Variants in FBP1 observed in about 807,000 individuals in gnomAD.
FBP1 encodes fructose-1,6-bisphosphatase 1.
FBP1 carries 22 observed loss-of-function variants against 29.9 expected under a neutral mutation model. That is an observed-to-expected ratio of 0.74 (90% CI 0.53 to 1.05). FBP1 has a LOEUF of 1.05. Ranked by LOEUF, FBP1 falls within the 50% of genes least tolerant of loss-of-function variation. The pLI is 0.00. For synonymous variants in FBP1, 175 were observed against 178.6 expected (o/e 0.98, Z 0.16); for missense variants, 345 against 448.2 (o/e 0.77, Z 2.08).
chr9:94,618,235 G>A (rs2131486973), intron 2 of FBP1, among the ~76,000 whole-genome samples: 1 of 152,120 alleles, frequency 6.6e-6, no homozygotes, highest in African/African-American at 2.4e-5. Context: ...TAATTCCTTA[G>A]GTGAAGCAGA....
At chr9:94,637,945 G>T (rs1266432063) in intron 1 of FBP1, among the ~76,000 whole-genome samples, 2 of 151,928 alleles carry the variant, frequency 1.3e-5, no homozygotes, top group African/African-American at 4.8e-5. Context: ...AATTAGCTGG[G>T]CATGGTGGCA....
chr9:94,613,019 CTCCATGTCATCACATATTAT>C (rs1342181132), intron 3 of FBP1, among the ~76,000 whole-genome samples: 1 of 152,190 alleles, frequency 6.6e-6, no homozygotes, highest in East Asian at 1.9e-4. Context: ...TAGGCACTGG[CTCCATGTCATCACATATTAT>C]TCCATGTCAT....
In FBP1 at chr9:94,621,409, T is replaced by TATATATATATA. The variant is rs1563984784; in HGVS notation, c.171-919_171-918insTATATATATAT. Among the ~76,000 whole-genome samples the TATATATATATA allele has an allele frequency of 1.7e-4, 25 of 148,150 alleles. 3 individuals carry two copies. The highest frequency in any genetic ancestry group is 6.4e-4 in the African/African-American group (25 of 39,196). ...AGATTCCGTCTAAAAATATATATAT[T>TATATATATATA]TTTAGAAGAAAGGAAGGAGGACATC... On this transcript the variant is annotated intron_variant, in intron 1 of 6. Coordinates refer to ENST00000375326, the MANE Select transcript of FBP1 (RefSeq NM_000507.4).
chr9:94,638,410 T>C (rs1472416644), intron 1 of FBP1, among the ~76,000 whole-genome samples: 1 of 152,208 alleles, frequency 6.6e-6, no homozygotes, highest in Non-Finnish European at 1.5e-5. Flanking sequence ...TTCAGAACCA[T>C]TCTACAAACC....
chr9:94,628,269 C>T (rs1173013541), intron 1 of FBP1, among the ~76,000 whole-genome samples: 1 of 151,910 alleles, frequency 6.6e-6, no homozygotes, highest in Non-Finnish European at 1.5e-5. Flanking sequence ...GCCTACAATC[C>T]CAGCTACTTG....
chr9:94,638,205 A>C (rs1036748448), intron 1 of FBP1, among the ~76,000 whole-genome samples: 2 of 152,120 alleles, frequency 1.3e-5, no homozygotes, highest in African/African-American at 4.8e-5. Context: ...TCTCCACTCC[A>C]CTTGACCCCT....
intron 3 of FBP1, among the ~76,000 whole-genome samples, chr9:94,613,458 G>A (rs1827814327): frequency 6.6e-6 from 1 of 152,184 alleles, no homozygotes; most frequent in African/African-American, 2.4e-5. Context: ...GCCCTGTCAG[G>A]ATGTCTCCAG....
At chr9:94,614,825 G>A (rs893452093) in intron 3 of FBP1, among the ~76,000 whole-genome samples, 8 of 152,186 alleles carry the variant, frequency 5.3e-5, no homozygotes, top group African/African-American at 1.9e-4. Flanking sequence ...GCTGTTTCAA[G>A]CAATCAATAA....
chr9:94,605,373 C>T (rs1417265325), intron 6 of FBP1, 84 bp downstream of exon 6: 1 of 1,490,652 alleles, frequency 6.7e-7, no homozygotes, highest in African/African-American at 1.4e-5. Context: ...TAATAGCTAG[C>T]AAAACCTTTC....
chr9:94,636,988 T>C (rs895636982), intron 1 of FBP1, among the ~76,000 whole-genome samples: 24 of 151,648 alleles, frequency 1.6e-4, no homozygotes, highest in Admixed American at 7.9e-4. Context: ...CCACACCCAG[T>C]CGACAAGCCC....
intron 2 of FBP1, among the ~76,000 whole-genome samples, chr9:94,619,123 G>A (rs996288161): frequency 2.0e-5 from 3 of 152,164 alleles, no homozygotes; most frequent in South Asian, 2.1e-4. Flanking sequence ...GAAGTCCGGC[G>A]TGAGTGATGG....
At chr9:94,626,678 G>T (rs1021106004) in intron 1 of FBP1, among the ~76,000 whole-genome samples, 1 of 152,212 alleles carries the variant, frequency 6.6e-6, no homozygotes, top group Non-Finnish European at 1.5e-5. Context: ...AAATTCCTCA[G>T]AAACAAGCTC....
At chr9:94,632,740 T>C (rs1395233712) in intron 1 of FBP1, among the ~76,000 whole-genome samples, 1 of 152,214 alleles carries the variant, frequency 6.6e-6, no homozygotes. Flanking sequence ...ATTAGTAAAC[T>C]TAATTGATCC....
intron 1 of FBP1, among the ~76,000 whole-genome samples, chr9:94,635,291 T>C (rs1444723182): frequency 1.3e-5 from 2 of 152,194 alleles, no homozygotes; most frequent in South Asian, 2.1e-4. Context: ...GAGGAGGTGA[T>C]AGACTAGCTG....
At chr9:94,618,338 C>T (rs1827893326) in intron 2 of FBP1, among the ~76,000 whole-genome samples, 3 of 151,454 alleles carry the variant, frequency 2.0e-5, no homozygotes, top group Non-Finnish European at 4.4e-5. Flanking sequence ...TCAAAAATAT[C>T]CTGGCTGGGC....
chr9:94,619,835 C>T (rs1411368927), intron 2 of FBP1, among the ~76,000 whole-genome samples: 2 of 139,676 alleles, frequency 1.4e-5, no homozygotes, highest in African/African-American at 5.7e-5. Flanking sequence ...GATCACACCA[C>T]TGTACACCAG....
chr9:94,631,662 G>A (rs1377125273), intron 1 of FBP1, among the ~76,000 whole-genome samples: 4 of 152,200 alleles, frequency 2.6e-5, no homozygotes, highest in Admixed American at 2.6e-4. Context: ...CTGTGACTGA[G>A]TAACACGATT....
At position 94,605,447 on chromosome 9, in the gene FBP1, A is replaced by C; in HGVS notation, c.825+10T>G. ...CTGCTCCTCACTCCCTCTCCAGGGG[A>C]CACCCTTACCTTTCCATTGGGGCTC... On this transcript the variant is annotated intron_variant, in intron 6 of 6. Coordinates refer to ENST00000375326, the MANE Select transcript of FBP1 (RefSeq NM_000507.4). The C allele has an allele frequency of 6.2e-7, 1 of 1,613,016 alleles. No homozygotes were observed. Among genetic ancestry groups the C allele is most frequent in the Non-Finnish European group, 8.5e-7 (1 of 1,179,784 alleles).
intron 5 of FBP1, among the ~76,000 whole-genome samples, chr9:94,606,467 T>C (rs968050366): frequency 6.6e-6 from 1 of 152,208 alleles, no homozygotes; most frequent in Non-Finnish European, 1.5e-5. Flanking sequence ...TTCATTTGTT[T>C]AACTTTATTA....
Sources: allele counts gnomAD v4.1 joint callset (sites outside exome capture counted in the v4.1 genomes callset), GRCh38; gene constraint gnomAD v4.1.1; transcripts MANE v1.5; gene names NCBI Gene and HGNC (gene_info 2026-07-23, HGNC 2026-07-21).